CDIN1: variants seen among roughly 807,000 people sequenced by gnomAD.
CDIN1 encodes CDAN1-interacting nuclease 1.
A neutral mutation model predicts 45.3 loss-of-function variants in CDIN1; 33 were observed. The ratio of observed to expected loss-of-function variants is 0.73; its 90% CI spans 0.55 to 0.97. CDIN1 has a LOEUF of 0.97. Among genes scored for constraint, CDIN1 ranks in the 50% least tolerant of loss-of-function variants. CDIN1 has a pLI of 0.00. For synonymous variants in CDIN1, 118 were observed against 124.4 expected (o/e 0.95, Z 0.34); for missense variants, 303 against 339.4 (o/e 0.89, Z 0.84).
At chr15:36,728,105 G>A (rs2043704949) in intron 10 of CDIN1, among the ~76,000 whole-genome samples, 1 of 152,196 alleles carries the variant, frequency 6.6e-6, no homozygotes, top group Non-Finnish European at 1.5e-5. Context: ...TGATACACAG[G>A]TAGTTCTTTC....
intron 10 of CDIN1, among the ~76,000 whole-genome samples, chr15:36,788,784 G>A (rs2054573534): frequency 6.6e-6 from 1 of 152,106 alleles, no homozygotes. Context: ...TTTGATAAAT[G>A]TGATAGGGTT....
rs1479322849 is a variant in CDIN1, at chr15:36,720,243, T to C, written c.716+10282T>C. Among the ~76,000 whole-genome samples the C allele has an allele frequency of 4.1e-5, 3 of 72,432 alleles. No individual in the cohort carries two copies. The East Asian group carries it at 2.5e-3, about 60-fold the overall frequency. The allele number at this position is 72,432 out of a possible 152,430, so 47.5% of individuals were successfully genotyped here. On this transcript the variant is annotated intron_variant, in intron 10 of 10. Transcript: ENST00000566621. ...TTTTCCAATATAAACATTTTATTTA[T>C]TTATTATTTATTATTTATTTATTTA...
chr15:36,582,023 A>G (rs758297841), intron 1 of CDIN1, among the ~76,000 whole-genome samples: 1 of 152,214 alleles, frequency 6.6e-6, no homozygotes, highest in Non-Finnish European at 1.5e-5. Flanking sequence ...GAAGTCTGTA[A>G]GATTTGAAGC....
intron 10 of CDIN1, among the ~76,000 whole-genome samples, chr15:36,780,504 C>T (rs1388510034): frequency 6.6e-6 from 1 of 152,180 alleles, no homozygotes; most frequent in African/African-American, 2.4e-5. Flanking sequence ...CATATTTAGA[C>T]ACACACCTCC....
chr15:36,643,696 TTA>T (rs1282170644), intron 1 of CDIN1, among the ~76,000 whole-genome samples: 1 of 152,190 alleles, frequency 6.6e-6, no homozygotes, highest in African/African-American at 2.4e-5. Flanking sequence ...AGGGCAGTCT[TTA>T]GGAATGATTC....
rs115179195 is a variant in CDIN1 at position 36,593,518 on chromosome 15, A to G, written c.101+13557A>G. The stretch of plus-strand genomic sequence containing the variant: ...TGTGAACATTGATTTAGTGTTCAAT[A>G]TAGGTATTAATCAAATTTGAAGAAT... On this transcript the variant is annotated intron_variant, in intron 1 of 10. Transcript: ENST00000566621. Among the ~76,000 whole-genome samples, 1,011 of 152,256 alleles carry G rather than the reference A, an allele frequency of 6.6e-3. 14 individuals are homozygous for G. Among genetic ancestry groups the G allele is most frequent in the African/African-American group, 0.023 (943 of 41,550 alleles).
chr15:36,586,192 G>GTTTTTTT (rs10691719), intron 1 of CDIN1, among the ~76,000 whole-genome samples: 1 of 140,234 alleles, frequency 7.1e-6, no homozygotes, highest in African/African-American at 2.6e-5. Context: ...TTACCTTTGA[G>GTTTTTTT]TTTTTTTTTT....
chr15:36,731,434 A>AT (rs2043830400), intron 10 of CDIN1, among the ~76,000 whole-genome samples: 1 of 151,934 alleles, frequency 6.6e-6, no homozygotes, highest in African/African-American at 2.4e-5. Flanking sequence ...CATATTTAAG[A>AT]TTTTCAAAAA....
At chr15:36,675,881 C>G (rs2041631028) in intron 5 of CDIN1, among the ~76,000 whole-genome samples, 1 of 152,064 alleles carries the variant, frequency 6.6e-6, no homozygotes, top group South Asian at 2.1e-4. Flanking sequence ...GTATTTGTCT[C>G]TCCTTAAAAT....
chr15:36,658,101 C>T lies in CDIN1; in HGVS notation c.346+196C>T, dbSNP rs370077292. Among the ~76,000 whole-genome samples the T allele has an allele frequency of 2.6e-4, 40 of 152,262 alleles. No individual in the cohort carries two copies. The East Asian group carries it at 7.3e-3, about 28-fold the overall frequency. ...TTCAGAATAATGCTCTCTTCTTTGTCTAAATTCCACACTCAACCTCTCCAT... is the reference window on the plus strand; with the variant it reads ...TTCAGAATAATGCTCTCTTCTTTGTTTAAATTCCACACTCAACCTCTCCAT... On this transcript the variant is annotated intron_variant, in intron 5 of 10. Transcript: ENST00000566621.
At chr15:36,695,205 A>T (rs62002330) in intron 7 of CDIN1, among the ~76,000 whole-genome samples, 1 of 152,088 alleles carries the variant, frequency 6.6e-6, no homozygotes, top group Non-Finnish European at 1.5e-5. Context: ...ATTCTCTAGG[A>T]ATTTTTTTTT....
intron 1 of CDIN1, among the ~76,000 whole-genome samples, chr15:36,624,064 A>C (rs1380236984): frequency 6.6e-6 from 1 of 152,206 alleles, no homozygotes; most frequent in Non-Finnish European, 1.5e-5. Context: ...TCATCATGAC[A>C]GTAGGTATTT....
At chr15:36,727,020 G>A (rs1050206410) in intron 10 of CDIN1, among the ~76,000 whole-genome samples, 18 of 151,958 alleles carry the variant, frequency 1.2e-4, no homozygotes, top group Non-Finnish European at 2.6e-4. Context: ...CCAGGTTCCT[G>A]GCCTTCTTTT....
At chr15:36,767,115 G>A (rs1474233378) in intron 10 of CDIN1, among the ~76,000 whole-genome samples, 1 of 152,002 alleles carries the variant, frequency 6.6e-6, no homozygotes. Flanking sequence ...TTTGTGGATG[G>A]TGTAAGATAA....
chr15:36,762,676 A>G (rs1340368866), intron 10 of CDIN1, among the ~76,000 whole-genome samples: 2 of 149,024 alleles, frequency 1.3e-5, no homozygotes, highest in East Asian at 4.1e-4. Context: ...CCGGTGTGTG[A>G]TGTTGCACTT....
intron 10 of CDIN1, among the ~76,000 whole-genome samples, chr15:36,768,827 T>G (rs2053993689): frequency 6.6e-6 from 1 of 152,016 alleles, no homozygotes; most frequent in African/African-American, 2.4e-5. Context: ...TGAAGGTAGC[T>G]GAAGGAGCCA....
chr15:36,699,476 C>T (rs1027539840), intron 8 of CDIN1, among the ~76,000 whole-genome samples: 23 of 152,084 alleles, frequency 1.5e-4, no homozygotes, highest in Non-Finnish European at 2.6e-4. Context: ...AGAGATGTTG[C>T]AAACATGTTT....
At chr15:36,714,574 A>G (rs1035390700) in intron 10 of CDIN1, among the ~76,000 whole-genome samples, 18 of 152,180 alleles carry the variant, frequency 1.2e-4, no homozygotes, top group African/African-American at 4.3e-4. Flanking sequence ...TTAGAATTGC[A>G]TAAGAATTCC....
chr15:36,710,678 A>T (rs1271161961), intron 10 of CDIN1, among the ~76,000 whole-genome samples: 1 of 152,214 alleles, frequency 6.6e-6, no homozygotes, highest in East Asian at 1.9e-4. Context: ...GGCTTTTTCT[A>T]TTATTGCAGT....
Sources: gnomAD v4.1 joint callset for allele counts (sites outside exome capture counted in the v4.1 genomes callset) on GRCh38, gnomAD v4.1.1 for gene constraint, MANE v1.5 for transcripts, NCBI Gene and HGNC (gene_info 2026-07-23, HGNC 2026-07-21) for gene names.